The following NOX5 variants were observed in gnomAD, a reference collection of about 807,000 sequenced individuals.
The protein encoded by NOX5 is NADPH oxidase 5.
In NOX5, 76 loss-of-function variants were observed where a neutral mutation model predicts 85.7. That is an observed-to-expected ratio of 0.89 (90% CI 0.74 to 1.07). The LOEUF is 1.07. Among genes scored for constraint, NOX5 ranks in the 50% least tolerant of loss-of-function variants. The pLI, the probability that NOX5 is intolerant of heterozygous loss-of-function variation, is 0.00. For missense variants in NOX5, 973 were observed against 999.5 expected, an observed-to-expected ratio of 0.97 and a Z score of 0.36; for synonymous variants, 405 against 401.4, an observed-to-expected ratio of 1.01 and a Z score of -0.11.
chr15:69,033,948 C>T (rs2050478415), intron 5 of NOX5, among the ~76,000 whole-genome samples: 1 of 152,100 alleles, frequency 6.6e-6, no homozygotes, highest in Admixed American at 6.5e-5. Context: ...CCCTCCTCGG[C>T]CTCCCAAAGT....
In NOX5 at chr15:69,057,247, A is replaced by G. The variant is rs759822363; in HGVS notation, c.*551A>G. ...CCTCCCTCTTTCCATCTGTCAATTT[A>G]TCTGATTTTTTGGATGCATTTTCAA... is the stretch of plus-strand genomic sequence containing the variant. On this transcript the variant is annotated 3_prime_UTR_variant, in exon 16 of 16. Transcript: ENST00000388866. 6.6e-6 allele frequency: 1 copy of G among 152,370 alleles called. No homozygotes were observed. Among genetic ancestry groups the G allele is most frequent in the South Asian group, 2.1e-4 (1 of 4,822 alleles). The allele number at this position is 152,370 out of a possible 1,614,324, so 9.4% of individuals were successfully genotyped here.
At chr15:69,035,681 G>C in intron 6 of NOX5, 77 bp from the exon 7 acceptor site, 1 of 1,578,722 alleles carries the variant, frequency 6.3e-7, no homozygotes, top group South Asian at 1.2e-5. Flanking sequence ...GATGGTGCAG[G>C]GTGGGGATCC....
In NOX5 at chr15:69,028,323, A is replaced by G. The variant is rs34097994; in HGVS notation, c.283A>G (p.Met95Val). The stretch of plus-strand genomic sequence containing the variant: ...GACCCTGCTCATCCATGGCAGCCCC[A>G]TGGACAAACTCAAATTCCTCTTCCA... ...ALTLLIHGSP[M>V]DKLKFLFQVY... The change falls in exon 3 of 16, where the codon ATG (methionine) becomes GTG (valine). Residue 95 changes from methionine (M) to valine (V), a missense_variant. Met to Val is a conservative substitution (Grantham distance 21). Coordinates refer to ENST00000388866, the MANE Select transcript of NOX5 (RefSeq NM_024505.4). 844 of 1,612,690 alleles carry G rather than the reference A, an allele frequency of 5.2e-4. 3 individuals are homozygous for G. In the African/African-American group the frequency reaches 0.01, roughly 20 times the overall value.
intron 7 of NOX5, 60 bp from the exon 8 acceptor site, chr15:69,036,968 C>T: frequency 7.3e-7 from 1 of 1,362,602 alleles, no homozygotes; most frequent in Non-Finnish European, 1.0e-6. Context: ...TGAGTCCTGG[C>T]TCTGTTCCAC....
At chr15:69,040,411 C>A (rs311934) in intron 9 of NOX5, among the ~76,000 whole-genome samples, 148,100 of 152,220 alleles carry the variant, frequency 0.97, 72,183 homozygotes, top group East Asian at 1. Flanking sequence ...AGCTCTCTCT[C>A]TCTATCTATC....
At chr15:69,039,624 G>A (rs2050569581) in intron 9 of NOX5, among the ~76,000 whole-genome samples, 5 of 152,266 alleles carry the variant, frequency 3.3e-5, no homozygotes, top group East Asian at 1.9e-4. Flanking sequence ...AGAGGGCTGC[G>A]ATGGGAGACC....
rs185653626 is a variant in NOX5, at chr15:69,041,897, G to T, written c.1505-766G>T. ...TTTTTTTTTTCTTTTTAGTTCATCA[G>T]CTATTGTTAGTGTTAGTGTATTTTA... On this transcript the variant is annotated intron_variant, in intron 9 of 15. Coordinates refer to ENST00000388866, the MANE Select transcript of NOX5 (RefSeq NM_024505.4). 3.0e-3 allele frequency among the ~76,000 whole-genome samples: 456 copies of T among 151,648 alleles called. 2 individuals are homozygous for T. Among genetic ancestry groups the T allele is most frequent in the Middle Eastern group, 0.017 (5 of 294 alleles).
At chr15:69,053,505 G>T (rs2050774478) in intron 14 of NOX5, among the ~76,000 whole-genome samples, 1 of 152,032 alleles carries the variant, frequency 6.6e-6, no homozygotes, top group Admixed American at 6.5e-5. Flanking sequence ...TATAATGAGT[G>T]GTATAGTTAG....
At chr15:69,036,565 T>A (rs1036468849) in intron 7 of NOX5, among the ~76,000 whole-genome samples, 16 of 152,150 alleles carry the variant, frequency 1.1e-4, no homozygotes, top group African/African-American at 3.6e-4. Context: ...GAAGTAGGAA[T>A]CAGAATCCTC....
intron 7 of NOX5, 27 bp downstream of exon 7, chr15:69,035,963 C>T: frequency 5.0e-6 from 8 of 1,612,620 alleles, no homozygotes; most frequent in Non-Finnish European, 6.8e-6. Context: ...CCTTTTGCTT[C>T]CCCCAAGGCC....
intron 5 of NOX5, among the ~76,000 whole-genome samples, chr15:69,033,952 C>T (rs2140261319): frequency 6.6e-6 from 1 of 152,160 alleles, no homozygotes; most frequent in East Asian, 1.9e-4. Context: ...CCTCGGCCTC[C>T]CAAAGTGCTG....
intron 1 of NOX5, among the ~76,000 whole-genome samples, chr15:69,019,924 C>T (rs950868875): frequency 2.6e-5 from 4 of 152,306 alleles, no homozygotes; most frequent in South Asian, 4.1e-4. Context: ...CCCCCAACTA[C>T]AAAAGATATA....
chr15:69,047,805 A>G (rs1595788076), intron 12 of NOX5, 25 bp from the exon 13 acceptor site: 3 of 1,611,690 alleles, frequency 1.9e-6, no homozygotes, highest in Non-Finnish European at 2.5e-6. Flanking sequence ...CAAATTTACA[A>G]CCCCTTCCTC....
At position 69,062,123 on chromosome 15, in the gene NOX5, C is replaced by T. The variant is rs955317457; in HGVS notation, c.*5427C>T. Reference sequence around the variant, plus strand: ...GTACCCTTGGCTCCTCTATCTCCCCCATCTTCCTCCTTCAGCCAATCATCA... The same window carrying T: ...GTACCCTTGGCTCCTCTATCTCCCCTATCTTCCTCCTTCAGCCAATCATCA... On this transcript the variant is annotated 3_prime_UTR_variant, in exon 16 of 16. Coordinates refer to ENST00000388866, the MANE Select transcript of NOX5 (RefSeq NM_024505.4). 1 of 152,134 alleles carries T rather than the reference C, an allele frequency of 6.6e-6. No homozygotes were observed. The highest frequency in any genetic ancestry group is 2.4e-5 in the African/African-American group (1 of 41,422). The allele number at this position is 152,134 out of a possible 1,614,324, so 9.4% of individuals were successfully genotyped here.
At chr15:69,046,055 T>G (rs1469191947) in intron 10 of NOX5, 2 of 152,370 alleles carry the variant, frequency 1.3e-5, no homozygotes, top group Non-Finnish European at 2.9e-5. Flanking sequence ...CTCCTAACTC[T>G]GCCTCCTGCA....
At chr15:69,055,599 G>A (rs1691313410) in intron 15 of NOX5, 99 bp downstream of exon 15, 4 of 1,372,766 alleles carry the variant, frequency 2.9e-6, no homozygotes, top group Non-Finnish European at 1.0e-6. Context: ...GGGGCAAAGT[G>A]TGAGGTTAAG....
In NOX5 at chr15:69,056,711, G is replaced by T. The variant is rs764580032; in HGVS notation, c.*15G>T. 1 of 1,612,924 alleles carries T rather than the reference G, an allele frequency of 6.2e-7. No homozygotes were observed. Among genetic ancestry groups the T allele is most frequent in the Non-Finnish European group, 8.5e-7 (1 of 1,179,760 alleles). ...AGAATTTCTAGCCTCACCTCTCCAAGCTCTGCCCCAAGTCCACACCATGGG... is the reference window on the plus strand; with the variant it reads ...AGAATTTCTAGCCTCACCTCTCCAATCTCTGCCCCAAGTCCACACCATGGG... On this transcript the variant is annotated 3_prime_UTR_variant, in exon 16 of 16. Coordinates refer to ENST00000388866, the MANE Select transcript of NOX5 (RefSeq NM_024505.4).
intron 1 of NOX5, among the ~76,000 whole-genome samples, chr15:69,018,474 G>A (rs2050257207): frequency 6.6e-6 from 1 of 152,152 alleles, no homozygotes; most frequent in African/African-American, 2.4e-5. Flanking sequence ...ACAGTTAGCT[G>A]GGACACAACC....
chr15:69,047,340 G>A, intron 11 of NOX5, 73 bp from the exon 12 acceptor site: 1 of 1,485,650 alleles, frequency 6.7e-7, no homozygotes, highest in East Asian at 2.4e-5. Context: ...TGAAGCCCTG[G>A]GGACATCCCC....
Sources: allele counts gnomAD v4.1 joint callset (sites outside exome capture counted in the v4.1 genomes callset), GRCh38; gene constraint gnomAD v4.1.1; transcripts MANE v1.5; gene names NCBI Gene and HGNC (gene_info 2026-07-23, HGNC 2026-07-21).